FTO: variants seen among roughly 807,000 people sequenced by gnomAD.
FTO encodes FTO alpha-ketoglutarate dependent dioxygenase.
A neutral mutation model predicts 63.9 loss-of-function variants in FTO; 47 were observed. That is an observed-to-expected ratio of 0.74 (90% CI 0.58 to 0.94). The LOEUF (loss-of-function observed/expected upper bound fraction) is 0.94. FTO is among the 40% of genes least tolerant of loss of function. FTO has a pLI of 0.00. For synonymous variants in FTO, 207 were observed against 224.4 expected, an observed-to-expected ratio of 0.92 and a Z score of 0.69; for missense variants, 562 against 618.1, an observed-to-expected ratio of 0.91 and a Z score of 0.96.
At chr16:53,720,347 CAAT>C (rs1023197502) in intron 1 of FTO, among the ~76,000 whole-genome samples, 2 of 152,012 alleles carry the variant, frequency 1.3e-5, no homozygotes, top group African/African-American at 4.8e-5. Flanking sequence ...TGAATACTAA[CAAT>C]GTTATGTAGA....
intron 8 of FTO, among the ~76,000 whole-genome samples, chr16:54,049,596 G>C (rs561213724): frequency 6.6e-6 from 1 of 152,230 alleles, no homozygotes; most frequent in Admixed American, 6.5e-5. Flanking sequence ...GGAAATACCA[G>C]ATGAAATGAA....
intron 7 of FTO, among the ~76,000 whole-genome samples, chr16:53,930,214 T>C: frequency 6.7e-6 from 1 of 148,984 alleles, no homozygotes; most frequent in Middle Eastern, 3.4e-3. Flanking sequence ...ACTTTTATGA[T>C]TATCTTCTTT....
intron 8 of FTO, among the ~76,000 whole-genome samples, chr16:54,025,312 T>C (rs2084688754): frequency 6.6e-6 from 1 of 152,238 alleles, no homozygotes; most frequent in African/African-American, 2.4e-5. Flanking sequence ...AAAGACCTTA[T>C]TACTACAGTA....
At chr16:53,979,368 T>C in intron 8 of FTO, 1 of 398,566 alleles carries the variant, frequency 2.5e-6, no homozygotes, top group South Asian at 1.3e-4. Flanking sequence ...ATTTGATTTC[T>C]AGAAAGATGG....
At chr16:53,811,372 G>A (rs1053924185) in intron 2 of FTO, among the ~76,000 whole-genome samples, 1 of 152,170 alleles carries the variant, frequency 6.6e-6, no homozygotes, top group Non-Finnish European at 1.5e-5. Flanking sequence ...CATGTACATA[G>A]CTGACCATCA....
chr16:53,821,958 C>T (rs1401452838), intron 2 of FTO, among the ~76,000 whole-genome samples: 1 of 152,178 alleles, frequency 6.6e-6, no homozygotes, highest in Non-Finnish European at 1.5e-5. Context: ...GTTGCTGTGG[C>T]AGAGGGGTGC....
intron 7 of FTO, among the ~76,000 whole-genome samples, chr16:53,903,874 T>C (rs910806879): frequency 2.6e-5 from 4 of 152,046 alleles, no homozygotes; most frequent in African/African-American, 9.7e-5. Flanking sequence ...ATGCCTTCCA[T>C]AGAGTTTGTA....
intron 1 of FTO, among the ~76,000 whole-genome samples, chr16:53,781,050 T>C (rs1487211177): frequency 6.6e-6 from 1 of 152,248 alleles, no homozygotes; most frequent in Non-Finnish European, 1.5e-5. Flanking sequence ...AAGAATCTTA[T>C]GTGTCACATT....
At chr16:53,749,945 A>G (rs2076744155) in intron 1 of FTO, among the ~76,000 whole-genome samples, 2 of 152,294 alleles carry the variant, frequency 1.3e-5, no homozygotes, top group African/African-American at 4.8e-5. Context: ...TTCAATTGGG[A>G]ATCAAATGGC....
At chr16:53,875,968 C>T (rs971062217) in intron 5 of FTO, among the ~76,000 whole-genome samples, 12 of 152,194 alleles carry the variant, frequency 7.9e-5, no homozygotes, top group African/African-American at 2.9e-4. Context: ...GGATTACAGG[C>T]GTGAGCCAAT....
At chr16:53,824,398 C>T (rs534984433) in intron 2 of FTO, among the ~76,000 whole-genome samples, 25 of 152,298 alleles carry the variant, frequency 1.6e-4, no homozygotes, top group Non-Finnish European at 2.9e-4. Context: ...TTTCTGGTGC[C>T]TTCTTTTCCT....
intron 1 of FTO, among the ~76,000 whole-genome samples, chr16:53,778,430 C>T (rs2077511131): frequency 6.6e-6 from 1 of 152,094 alleles, no homozygotes; most frequent in African/African-American, 2.4e-5. Context: ...TAGTTTGGTA[C>T]CGCTGGCTTG....
chr16:54,108,822 A>T (rs1336099862), intron 8 of FTO, among the ~76,000 whole-genome samples: 4 of 152,158 alleles, frequency 2.6e-5, no homozygotes, highest in Non-Finnish European at 5.9e-5. Context: ...CCAAGACGTC[A>T]TGCCCCTGGA....
intron 1 of FTO, among the ~76,000 whole-genome samples, chr16:53,734,244 T>G (rs2076337346): frequency 6.6e-6 from 1 of 152,192 alleles, no homozygotes; most frequent in South Asian, 2.1e-4. Context: ...GATTCTGGAT[T>G]TCTGGTCTAT....
chr16:54,062,175 C>T (rs550741419), intron 8 of FTO, among the ~76,000 whole-genome samples: 279 of 152,292 alleles, frequency 1.8e-3, no homozygotes, highest in Middle Eastern at 6.8e-3. Flanking sequence ...GCAGTCAACT[C>T]GTGGAAATGA....
rs61358730 is a variant in FTO, at chr16:53,946,516, C to T, written c.1364+12407C>T. ...AGTTGTTTTGCTTCCAGAATGTATG[C>T]TAAATAAATGTCCCAATCCTTGGAA... is the stretch of plus-strand genomic sequence containing the variant. On this transcript the variant is annotated intron_variant, in intron 8 of 8. Coordinates refer to ENST00000471389, the MANE Select transcript of FTO (RefSeq NM_001080432.3). 8.5e-3 allele frequency among the ~76,000 whole-genome samples: 1,287 copies of T among 152,260 alleles called. 12 individuals are homozygous for T. Among genetic ancestry groups the T allele is most frequent in the African/African-American group, 0.029 (1,225 of 41,550 alleles).
chr16:53,908,710 T>C (rs539799976), intron 7 of FTO, among the ~76,000 whole-genome samples: 1 of 152,358 alleles, frequency 6.6e-6, no homozygotes, highest in South Asian at 2.1e-4. Flanking sequence ...ACTTTCTTAT[T>C]CTTCTTGTGT....
intron 8 of FTO, among the ~76,000 whole-genome samples, chr16:54,020,485 G>C (rs1318463618): frequency 1.3e-5 from 2 of 152,166 alleles, no homozygotes; most frequent in Non-Finnish European, 2.9e-5. Context: ...ATAAGTACAT[G>C]CTCTATGATA....
chr16:54,046,164 C>G (rs1414473080), intron 8 of FTO, among the ~76,000 whole-genome samples: 1 of 97,156 alleles, frequency 1.0e-5, no homozygotes. Context: ...AAGAGGAAGT[C>G]AAATTGTCCG....
Sources: allele counts gnomAD v4.1 joint callset (sites outside exome capture counted in the v4.1 genomes callset), GRCh38; gene constraint gnomAD v4.1.1; transcripts MANE v1.5; gene names NCBI Gene and HGNC (gene_info 2026-07-23, HGNC 2026-07-21).